SLC9A2: variants seen among roughly 807,000 people sequenced by gnomAD.
SLC9A2 encodes the protein solute carrier family 9 member A2.
A neutral mutation model predicts 71.7 loss-of-function variants in SLC9A2; 42 were observed. The ratio of observed to expected loss-of-function variants is 0.59; its 90% confidence interval spans 0.46 to 0.76. The LOEUF (loss-of-function observed/expected upper bound fraction) is 0.76. Ranked by LOEUF, SLC9A2 falls within the 30% of genes least tolerant of loss-of-function variation. The probability of loss-of-function intolerance (pLI) is 0.00; values close to 1 mark genes in which losing one functional copy is unlikely to be tolerated. For synonymous variants in SLC9A2, 396 were observed against 392.5 expected, an observed-to-expected ratio of 1.01 and a Z score of -0.10; for missense variants, 829 against 1,017.4, an observed-to-expected ratio of 0.81 and a Z score of 2.52.
At chr2:102,638,164 C>T (rs972075195) in intron 1 of SLC9A2, among the ~76,000 whole-genome samples, 2 of 148,062 alleles carry the variant, frequency 1.4e-5, no homozygotes, top group African/African-American at 2.5e-5. Context: ...TGGCTCGTGG[C>T]CTGCAAGCTT....
intron 1 of SLC9A2, among the ~76,000 whole-genome samples, chr2:102,644,069 A>G (rs1479242160): frequency 1.3e-5 from 2 of 152,076 alleles, no homozygotes; most frequent in Non-Finnish European, 2.9e-5. Flanking sequence ...GCCAAATAGG[A>G]ACAGCTCCCA....
At chr2:102,687,653 T>C (rs1677573679) in intron 5 of SLC9A2, among the ~76,000 whole-genome samples, 1 of 152,244 alleles carries the variant, frequency 6.6e-6, no homozygotes, top group South Asian at 2.1e-4. Context: ...TGATGTATGA[T>C]GCATTATTTG....
chr2:102,678,604 T>C (rs2104535869), intron 3 of SLC9A2, among the ~76,000 whole-genome samples: 1 of 152,316 alleles, frequency 6.6e-6, no homozygotes, highest in African/African-American at 2.4e-5. Flanking sequence ...GTTCATGTGA[T>C]GGAGGAAGAA....
At chr2:102,634,288 C>T (rs1444818314) in intron 1 of SLC9A2, among the ~76,000 whole-genome samples, 6 of 152,128 alleles carry the variant, frequency 3.9e-5, no homozygotes, top group African/African-American at 1.4e-4. Context: ...AGTGTATATA[C>T]TATTATTGGA....
Position 102,636,670 on chromosome 2 carries a change from G to A in SLC9A2, c.289+16533G>A, listed in dbSNP as rs147907553. On this transcript the variant is annotated intron_variant, in intron 1 of 11. Transcript: ENST00000233969. ...TTACTAACACATGAGTTGAGAGAAC[G>A]ATAAATCCTAAGATTTAACATCTAG... 6.5e-3 allele frequency among the ~76,000 whole-genome samples: 995 copies of A among 152,252 alleles called. 13 individuals carry two copies. The highest frequency in any genetic ancestry group is 0.022 in the African/African-American group (933 of 41,536).
chr2:102,677,363 T>C (rs1298225140), intron 3 of SLC9A2, among the ~76,000 whole-genome samples: 3 of 152,208 alleles, frequency 2.0e-5, no homozygotes, highest in Admixed American at 2.0e-4. Flanking sequence ...TGTATTTTGA[T>C]TGATATACTG....
chr2:102,657,541 T>A, intron 1 of SLC9A2, 23 bp from the exon 2 acceptor site: 1 of 1,521,334 alleles, frequency 6.6e-7, no homozygotes, highest in Non-Finnish European at 8.9e-7. Flanking sequence ...CCAAGTTGTG[T>A]GTTTTTATTT....
At chr2:102,628,573 TG>T (rs1369630106) in intron 1 of SLC9A2, among the ~76,000 whole-genome samples, 2 of 152,166 alleles carry the variant, frequency 1.3e-5, no homozygotes, top group East Asian at 3.9e-4. Flanking sequence ...TTAATTGTAT[TG>T]CATAGGTTTG....
chr2:102,687,776 T>C (rs191104428), intron 5 of SLC9A2, among the ~76,000 whole-genome samples: 4 of 151,434 alleles, frequency 2.6e-5, no homozygotes, highest in Non-Finnish European at 5.9e-5. Flanking sequence ...ATGGTGCTGT[T>C]TGGGGAATTT....
chr2:102,650,570 A>G (rs1454313034), intron 1 of SLC9A2, among the ~76,000 whole-genome samples: 1 of 152,172 alleles, frequency 6.6e-6, no homozygotes, highest in Non-Finnish European at 1.5e-5. Flanking sequence ...CCTTCATGGA[A>G]TTTTCCACAG....
intron 1 of SLC9A2, among the ~76,000 whole-genome samples, chr2:102,637,416 G>A (rs1676487945): frequency 6.6e-6 from 1 of 152,164 alleles, no homozygotes; most frequent in South Asian, 2.1e-4. Flanking sequence ...ATTTCCTGGG[G>A]CACAGTTGCA....
rs372622296 is a variant in SLC9A2 at position 102,697,616 on chromosome 2, C to G, written c.1586+2503C>G. ...ATCCCCCCGCACCTACTTCCCTGCT[C>G]TACCTATGATATACAGTGTCATAGA... On this transcript the variant is annotated intron_variant, in intron 7 of 11. Transcript: ENST00000233969. 8 of 147,186 alleles carry G rather than the reference C, an allele frequency of 5.4e-5. No homozygotes were observed. The East Asian group carries it at 1.7e-3, about 31-fold the overall frequency. 9.1% of individuals were successfully genotyped at this position (147,186 alleles called of 1,614,324 possible).
rs1474211860 is a variant in SLC9A2, at chr2:102,684,186, C to A, written c.1275C>A (p.Thr425=). 1 of 1,614,170 alleles carries A rather than the reference C, an allele frequency of 6.2e-7. No homozygotes were observed. Among genetic ancestry groups the A allele is most frequent in the Non-Finnish European group, 8.5e-7 (1 of 1,180,000 alleles). ...VINRFRTIPL[T]FKDQFIIAYG... ...ATAGGTTCCGGACCATTCCCCTGAC[C>A]TTTAAGGACCAGTTCATCATTGCCT... is the stretch of plus-strand genomic sequence containing the variant. Residue 425 remains threonine, a synonymous_variant, in exon 5 of 12, where the codon ACC becomes ACA. Coordinates refer to ENST00000233969, the MANE Select transcript of SLC9A2 (RefSeq NM_003048.6).
At chr2:102,677,014 G>A (rs562883969) in intron 3 of SLC9A2, among the ~76,000 whole-genome samples, 29 of 152,320 alleles carry the variant, frequency 1.9e-4, no homozygotes, top group Admixed American at 3.3e-4. Flanking sequence ...TCAGATTGTA[G>A]ATAAAGCACT....
Position 102,619,642 on chromosome 2 carries a change from T to C in SLC9A2, c.-207T>C. ...TACGCGCAGCGGCCTCTCGTCGCCC[T>C]GCACGTGCCTCGCCAGGCAGTGCGC... On this transcript the variant is annotated 5_prime_UTR_variant, in exon 1 of 12. Transcript: ENST00000233969. This position sits in a 1 kb window ranked among gnomAD's most constrained non-coding sequence, Gnocchi z 4.3. The C allele has an allele frequency of 2.3e-6, 1 of 443,466 alleles. No homozygotes were observed. The highest frequency in any genetic ancestry group is 3.9e-6 in the Non-Finnish European group (1 of 256,234). The allele number at this position is 443,466 out of a possible 1,614,324, so 27.5% of individuals were successfully genotyped here. A position where few individuals can be genotyped will look rare whatever the true frequency, so the allele number is the denominator to read the frequency against.
chr2:102,620,220 T>C, intron 1 of SLC9A2, 83 bp downstream of exon 1: 2 of 1,222,464 alleles, frequency 1.6e-6, no homozygotes, highest in East Asian at 2.6e-5. Flanking sequence ...CCAGCTGACC[T>C]CTAGATAGTG....
intron 3 of SLC9A2, among the ~76,000 whole-genome samples, chr2:102,665,659 A>C (rs1305571070): frequency 2.0e-5 from 3 of 150,580 alleles, no homozygotes; most frequent in Non-Finnish European, 4.4e-5. Context: ...CTGTAGTCCC[A>C]GCTACTCGGG....
At chr2:102,675,632 A>T (rs190162542) in intron 3 of SLC9A2, among the ~76,000 whole-genome samples, 2 of 152,212 alleles carry the variant, frequency 1.3e-5, no homozygotes, top group East Asian at 3.9e-4. Flanking sequence ...AGGAAAAAAA[A>T]TGTGTGAAGA....
At chr2:102,641,272 C>T (rs1676575721) in intron 1 of SLC9A2, among the ~76,000 whole-genome samples, 1 of 152,172 alleles carries the variant, frequency 6.6e-6, no homozygotes, top group Admixed American at 6.5e-5. Flanking sequence ...TGCCCAAACG[C>T]TCTGTAAACG....
Sources: allele counts gnomAD v4.1 joint callset (sites outside exome capture counted in the v4.1 genomes callset), GRCh38; gene constraint gnomAD v4.1.1; non-coding constraint Gnocchi (gnomAD v3.1); transcripts MANE v1.5; gene names NCBI Gene and HGNC (gene_info 2026-07-23, HGNC 2026-07-21).